The following KBTBD12 variants were observed in gnomAD, a reference collection of about 807,000 sequenced individuals.
KBTBD12 encodes kelch repeat and BTB domain containing 12, also known as kelch repeat and BTB domain-containing protein 12.
KBTBD12 carries 53 observed loss-of-function variants against 58.7 expected under a neutral mutation model. The observed-to-expected ratio is 0.90, with a 90% CI of 0.72 to 1.14. The LOEUF is 1.14. KBTBD12 is among the 50% of genes most tolerant of loss of function. The pLI is 0.00. For synonymous variants in KBTBD12, 236 were observed against 259.8 expected, an observed-to-expected ratio of 0.91 and a Z score of 0.88; for missense variants, 704 against 751.3, an observed-to-expected ratio of 0.94 and a Z score of 0.74.
intron 4 of KBTBD12, among the ~76,000 whole-genome samples, chr3:127,940,792 C>T (rs1221495571): frequency 1.3e-5 from 2 of 151,674 alleles, no homozygotes; most frequent in African/African-American, 4.8e-5. Flanking sequence ...AAAGCCAATA[C>T]AGTTGGTAAA....
chr3:127,976,310 A>G (rs1446702135), intron 5 of KBTBD12, among the ~76,000 whole-genome samples: 1 of 152,174 alleles, frequency 6.6e-6, no homozygotes. Context: ...CCAGTCTAAG[A>G]TCAAGTATTG....
intron 5 of KBTBD12, among the ~76,000 whole-genome samples, chr3:127,980,114 C>A (rs949846438): frequency 6.6e-6 from 1 of 152,038 alleles, no homozygotes; most frequent in Admixed American, 6.5e-5. Flanking sequence ...GAAATGTAAG[C>A]CTTAAGTGCA....
In KBTBD12 at chr3:127,987,104, C is replaced by CAGG; in HGVS notation, c.*2829_*2831dup. ...CTGCTGGAGCCAGGAGGGCAGTGACCAGGAGCTGGCTTAGCACTGAAGGGA... is the reference window on the plus strand; with the variant it reads ...CTGCTGGAGCCAGGAGGGCAGTGACCAGGAGGAGCTGGCTTAGCACTGAAGGGA... On this transcript the variant is annotated 3_prime_UTR_variant, in exon 6 of 6. Transcript: ENST00000405109. The CAGG allele has an allele frequency of 6.6e-6, 1 of 152,242 alleles. No individual in the cohort carries two copies. The highest frequency in any genetic ancestry group is 1.5e-5 in the Non-Finnish European group (1 of 68,082). The allele number at this position is 152,242 out of a possible 1,614,324, so 9.4% of individuals were successfully genotyped here.
At chr3:127,963,087 A>G (rs1940478382) in intron 4 of KBTBD12, 102 bp from the exon 5 acceptor site, 4 of 1,023,906 alleles carry the variant, frequency 3.9e-6, no homozygotes, top group South Asian at 3.5e-5. Context: ...GAGAAAAGTT[A>G]CAGTCCCATA....
At chr3:127,949,499 T>A (rs1190102506) in intron 4 of KBTBD12, among the ~76,000 whole-genome samples, 1 of 152,182 alleles carries the variant, frequency 6.6e-6, no homozygotes, top group Non-Finnish European at 1.5e-5. Context: ...GACACCTCAA[T>A]TCTACCTGCA....
rs1427465587 is a variant in KBTBD12, at chr3:127,984,180, A to G, written c.1774A>G (p.Met592Val). The G allele has an allele frequency of 6.2e-7, 1 of 1,613,882 alleles. No individual in the cohort carries two copies. The highest frequency in any genetic ancestry group is 2.2e-5 in the East Asian group (1 of 44,874). ...QWNVVAINVL[M>V]HDSYDVCLVA... ...GAATGTTGTAGCCATCAACGTCCTCATGCATGACAGCTATGATGTCTGCCT... is the reference window on the plus strand; with the variant it reads ...GAATGTTGTAGCCATCAACGTCCTCGTGCATGACAGCTATGATGTCTGCCT... Residue 592 changes from methionine (M) to valine (V), a missense_variant, in exon 6 of 6, where the codon ATG (methionine) becomes GTG (valine). Transcript: ENST00000405109.
chr3:127,942,587 G>A (rs945525359), intron 4 of KBTBD12, among the ~76,000 whole-genome samples: 2 of 150,172 alleles, frequency 1.3e-5, no homozygotes, highest in African/African-American at 4.9e-5. Context: ...TGACTATTGT[G>A]AATGCTGCAA....
chr3:127,936,168 C>A (rs1256174204), intron 4 of KBTBD12, among the ~76,000 whole-genome samples: 1 of 152,034 alleles, frequency 6.6e-6, no homozygotes, highest in Non-Finnish European at 1.5e-5. Context: ...AAGTTCAACA[C>A]CAGAGTGGCC....
rs183414170 is a variant in KBTBD12, at chr3:127,951,337, G to A, written c.1493-11852G>A. Among the ~76,000 whole-genome samples the A allele has an allele frequency of 2.6e-4, 39 of 152,302 alleles. No homozygotes were observed. The East Asian group carries it at 4.1e-3, about 16-fold the overall frequency. On this transcript the variant is annotated intron_variant, in intron 4 of 5. Coordinates refer to ENST00000405109, the MANE Select transcript of KBTBD12 (RefSeq NM_207335.4). ...ATTTTATATAGGATTGTGGGCAGGAGTTGAGTTTGGTTTAATGTTGGTTAC... is the reference window on the plus strand; with the variant it reads ...ATTTTATATAGGATTGTGGGCAGGAATTGAGTTTGGTTTAATGTTGGTTAC...
At chr3:127,965,872 T>C (rs990204869) in intron 5 of KBTBD12, among the ~76,000 whole-genome samples, 3 of 152,122 alleles carry the variant, frequency 2.0e-5, no homozygotes, top group African/African-American at 7.2e-5. Flanking sequence ...TAATCCTAAC[T>C]GGCAACAGAA....
chr3:127,968,112 C>G (rs959481521), intron 5 of KBTBD12, among the ~76,000 whole-genome samples: 5 of 152,212 alleles, frequency 3.3e-5, no homozygotes, highest in Admixed American at 6.5e-5. Context: ...GGCATAATAA[C>G]TGGCATAAAA....
rs540704583 is a variant in KBTBD12, at chr3:127,927,199, A to C, written c.1071-565A>C. On this transcript the variant is annotated intron_variant, in intron 2 of 5. Transcript: ENST00000405109. ...TGTTAAGTGCCCAGCAGACATCTAC[A>C]GGTAGGTTTTTATACAGTGCTCTTG... Among the ~76,000 whole-genome samples the C allele has an allele frequency of 3.9e-5, 6 of 152,286 alleles. No homozygotes were observed. In the East Asian group the frequency reaches 1.2e-3, roughly 29 times the overall value.
chr3:127,969,162 AT>A (rs1358000019), intron 5 of KBTBD12, among the ~76,000 whole-genome samples: 1 of 152,152 alleles, frequency 6.6e-6, no homozygotes, highest in Non-Finnish European at 1.5e-5. Context: ...TGACATAATC[AT>A]TTTTTTCGAA....
At chr3:127,967,016 G>A (rs1183094023) in intron 5 of KBTBD12, among the ~76,000 whole-genome samples, 1 of 152,162 alleles carries the variant, frequency 6.6e-6, no homozygotes, top group East Asian at 1.9e-4. Context: ...TTAAATTTGA[G>A]GGCACATTTT....
At chr3:127,945,406 G>A (rs898137470) in intron 4 of KBTBD12, among the ~76,000 whole-genome samples, 14 of 150,832 alleles carry the variant, frequency 9.3e-5, no homozygotes, top group East Asian at 3.9e-4. Context: ...GGATGGTCTC[G>A]ATCTCCTGAC....
intron 4 of KBTBD12, among the ~76,000 whole-genome samples, chr3:127,962,373 T>C (rs1940459277): frequency 6.6e-6 from 1 of 152,248 alleles, no homozygotes. Context: ...TGGAGAGTTG[T>C]ACTTAAAGTC....
intron 2 of KBTBD12, among the ~76,000 whole-genome samples, chr3:127,927,401 TTTTTGC>T (rs1939598132): frequency 1.3e-5 from 2 of 152,146 alleles, no homozygotes; most frequent in Non-Finnish European, 2.9e-5. Context: ...CATTCTTGTA[TTTTTGC>T]TTACTTTTAT....
At chr3:127,930,040 C>A in intron 3 of KBTBD12, 93 bp from the exon 4 acceptor site, 1 of 1,153,848 alleles carries the variant, frequency 8.7e-7, no homozygotes, top group Non-Finnish European at 1.2e-6. Flanking sequence ...CTCTATTTAT[C>A]TCCTTGGCTG....
chr3:127,952,145 A>T (rs529741817), intron 4 of KBTBD12, among the ~76,000 whole-genome samples: 22 of 152,364 alleles, frequency 1.4e-4, no homozygotes, highest in African/African-American at 4.6e-4. Context: ...GAAGTACTAA[A>T]TTCTAGGTGA....
Sources: gnomAD v4.1 joint callset for allele counts (sites outside exome capture counted in the v4.1 genomes callset) on GRCh38, gnomAD v4.1.1 for gene constraint, MANE v1.5 for transcripts, NCBI Gene and HGNC (gene_info 2026-07-23, HGNC 2026-07-21) for gene names.